The following CCDC83 variants were observed in gnomAD, a reference collection of about 807,000 sequenced individuals.
CCDC83 encodes the protein coiled-coil domain-containing protein 83.
In CCDC83, 54 loss-of-function variants were observed where a neutral mutation model predicts 50.1. The observed-to-expected ratio is 1.08, with a 90% confidence interval of 0.87 to 1.35. The LOEUF is 1.35. Ranked by LOEUF, CCDC83 falls within the 40% of genes most tolerant of loss-of-function variation. The probability of loss-of-function intolerance (pLI) is 0.00; values close to 1 mark genes in which losing one functional copy is unlikely to be tolerated. For missense variants in CCDC83, 518 were observed against 473.9 expected (o/e 1.09, Z -0.86); for synonymous variants, 161 against 153.3 (o/e 1.05, Z -0.37).
chr11:85,869,143 C>T (rs1201626615), intron 2 of CCDC83, among the ~76,000 whole-genome samples: 8 of 152,344 alleles, frequency 5.3e-5, no homozygotes, highest in African/African-American at 1.7e-4. Flanking sequence ...CAAGCTCTTT[C>T]TTACCCACTG....
chr11:85,906,567 CAAA>C (rs542574950), intron 7 of CCDC83, among the ~76,000 whole-genome samples: 1 of 152,032 alleles, frequency 6.6e-6, no homozygotes, highest in South Asian at 2.1e-4. Context: ...GCATCAGGAA[CAAA>C]AAGAGCTTTA....
At chr11:85,914,856 G>A (rs537439993) in intron 8 of CCDC83, among the ~76,000 whole-genome samples, 3 of 152,300 alleles carry the variant, frequency 2.0e-5, no homozygotes, top group South Asian at 4.1e-4. Context: ...GAGGACTCAG[G>A]AAACTTAGAT....
rs1171928747 is a variant in CCDC83, at chr11:85,911,134, G to A, written c.673-147G>A. On this transcript the variant is annotated intron_variant, in intron 7 of 10. Coordinates refer to ENST00000342404, the MANE Select transcript of CCDC83 (RefSeq NM_001286159.2). Reference sequence around the variant, plus strand: ...TGCAGTGAGCCAAGATTGCACCACCGCACTCCAGCCTGGGAGACAAAAGTG... The same window carrying A: ...TGCAGTGAGCCAAGATTGCACCACCACACTCCAGCCTGGGAGACAAAAGTG... 12 of 575,926 alleles carry A rather than the reference G, an allele frequency of 2.1e-5. No homozygotes were observed. The South Asian group carries it at 2.5e-4, about 12-fold the overall frequency. 35.7% of individuals were successfully genotyped at this position (575,926 alleles called of 1,614,324 possible). A position where few individuals can be genotyped will look rare whatever the true frequency, so the allele number is the denominator to read the frequency against.
chr11:85,859,113 A>G (rs1169095164), intron 1 of CCDC83, among the ~76,000 whole-genome samples: 6 of 151,836 alleles, frequency 4.0e-5, no homozygotes, highest in Non-Finnish European at 7.4e-5. Flanking sequence ...TATGTTAAAA[A>G]AAAATAAAAA....
chr11:85,908,823 G>GGA (rs1248204884), intron 7 of CCDC83, among the ~76,000 whole-genome samples: 1 of 152,130 alleles, frequency 6.6e-6, no homozygotes, highest in African/African-American at 2.4e-5. Context: ...TGAGGTGGAA[G>GGA]GATCACCTGA....
At chr11:85,881,750 T>C (rs1014173357) in intron 3 of CCDC83, among the ~76,000 whole-genome samples, 13 of 152,198 alleles carry the variant, frequency 8.5e-5, no homozygotes, top group African/African-American at 2.9e-4. Flanking sequence ...AGGTATGCCC[T>C]GTATGCTAAT....
chr11:85,911,267 T>C lies in CCDC83; in HGVS notation c.673-14T>C. 1 of 1,587,788 alleles carries C rather than the reference T, an allele frequency of 6.3e-7. No individual in the cohort carries two copies. The highest frequency in any genetic ancestry group is 8.6e-7 in the Non-Finnish European group (1 of 1,167,946). ...CAATAAGTACCAACATTCATTCTCTTCTTCTGAGAACAGGTTGCAATTCAC... is the reference window on the plus strand; with the variant it reads ...CAATAAGTACCAACATTCATTCTCTCCTTCTGAGAACAGGTTGCAATTCAC... On this transcript the variant is annotated splice_polypyrimidine_tract_variant and intron_variant, in intron 7 of 10. Coordinates refer to ENST00000342404, the MANE Select transcript of CCDC83 (RefSeq NM_001286159.2).
At chr11:85,914,413 A>C (rs2093468141) in intron 8 of CCDC83, among the ~76,000 whole-genome samples, 1 of 152,248 alleles carries the variant, frequency 6.6e-6, no homozygotes, top group African/African-American at 2.4e-5. Context: ...AGGAGAGCAC[A>C]GAATTAAACA....
At chr11:85,864,975 A>G in intron 1 of CCDC83, 121 bp from the exon 2 acceptor site, 1 of 615,564 alleles carries the variant, frequency 1.6e-6, no homozygotes, top group Non-Finnish European at 2.9e-6. Flanking sequence ...AGATCTGGGG[A>G]CATGGAAGCA....
chr11:85,915,304 T>C lies in CCDC83; in HGVS notation c.795-115T>C, dbSNP rs907823363. ...GCTTTATGCTCCTCAGGGTAGAAAT[T>C]ATGTCTCATTTTTCATCTATGCATT... On this transcript the variant is annotated intron_variant, in intron 8 of 10. Transcript: ENST00000342404. 5.5e-6 allele frequency: 4 copies of C among 724,802 alleles called. No individual in the cohort carries two copies. The African/African-American group carries it at 7.1e-5, about 13-fold the overall frequency. The allele number at this position is 724,802 out of a possible 1,614,324, so 44.9% of individuals were successfully genotyped here.
At chr11:85,890,277 G>A (rs2093345538) in intron 5 of CCDC83, among the ~76,000 whole-genome samples, 1 of 152,190 alleles carries the variant, frequency 6.6e-6, no homozygotes, top group Admixed American at 6.5e-5. Flanking sequence ...CCTGGGCTGG[G>A]CCTGCACTCC....
At chr11:85,917,529 A>C (rs1056317621) in intron 10 of CCDC83, among the ~76,000 whole-genome samples, 6 of 152,128 alleles carry the variant, frequency 3.9e-5, no homozygotes, top group African/African-American at 7.2e-5. Flanking sequence ...CATTCATTAA[A>C]ACCTGGAGTA....
chr11:85,885,910 TG>T (rs1273191228), intron 4 of CCDC83, among the ~76,000 whole-genome samples: 1 of 152,222 alleles, frequency 6.6e-6, no homozygotes, highest in African/African-American at 2.4e-5. Context: ...TCAGGAATGA[TG>T]TAAACTTGCA....
intron 4 of CCDC83, among the ~76,000 whole-genome samples, chr11:85,884,129 T>G (rs1262261379): frequency 6.6e-6 from 1 of 152,160 alleles, no homozygotes; most frequent in Non-Finnish European, 1.5e-5. Context: ...GTTGATGGTT[T>G]GGGCTGAGCA....
chr11:85,908,134 T>C (rs1361253508), intron 7 of CCDC83, among the ~76,000 whole-genome samples: 1 of 152,240 alleles, frequency 6.6e-6, no homozygotes, highest in African/African-American at 2.4e-5. Flanking sequence ...ATAAATAATA[T>C]ATGCCTTTCT....
chr11:85,904,027 TA>T (rs1301683998), intron 7 of CCDC83, among the ~76,000 whole-genome samples: 1 of 151,562 alleles, frequency 6.6e-6, no homozygotes, highest in African/African-American at 2.4e-5. Flanking sequence ...AAAAATTAAT[TA>T]AAAAAATAAA....
chr11:85,857,454 C>T (rs2093148460), intron 1 of CCDC83, among the ~76,000 whole-genome samples: 1 of 152,176 alleles, frequency 6.6e-6, no homozygotes, highest in Non-Finnish European at 1.5e-5. Flanking sequence ...AAGACGGCCT[C>T]CTCAACGTGA....
At chr11:85,872,533 C>T (rs972377471) in intron 2 of CCDC83, among the ~76,000 whole-genome samples, 3 of 152,078 alleles carry the variant, frequency 2.0e-5, no homozygotes, top group Non-Finnish European at 4.4e-5. Context: ...CCACCTGCCA[C>T]GGCCTCCCAG....
chr11:85,907,144 A>C lies in CCDC83; in HGVS notation c.673-4137A>C, dbSNP rs1200919498. ...CAAAGGATATTTAATAATGGAACTA[A>C]TGAAAATATTTCTCCATTTATCTCT... is the stretch of plus-strand genomic sequence containing the variant. On this transcript the variant is annotated intron_variant, in intron 7 of 10. Coordinates refer to ENST00000342404, the MANE Select transcript of CCDC83 (RefSeq NM_001286159.2). 3.3e-5 allele frequency among the ~76,000 whole-genome samples: 5 copies of C among 152,358 alleles called. No homozygotes were observed. In the South Asian group the frequency reaches 8.3e-4, roughly 25 times the overall value.
Sources: allele counts gnomAD v4.1 joint callset (sites outside exome capture counted in the v4.1 genomes callset), GRCh38; gene constraint gnomAD v4.1.1; transcripts MANE v1.5; gene names NCBI Gene and HGNC (gene_info 2026-07-23, HGNC 2026-07-21).